Variants in ACO1 observed in about 807,000 individuals in gnomAD.
ACO1 encodes cytoplasmic aconitate hydratase.
In ACO1, 78 loss-of-function variants were observed where a neutral mutation model predicts 105.1. That is an observed-to-expected ratio of 0.74 (90% CI 0.62 to 0.90). The LOEUF (loss-of-function observed/expected upper bound fraction) is 0.90, where lower values mean the gene tolerates loss of function less well. Among genes scored for constraint, ACO1 ranks in the 40% least tolerant of loss-of-function variants. ACO1 has a pLI of 0.00. For missense variants in ACO1, 965 were observed against 1,111.1 expected (o/e 0.87, Z 1.87); for synonymous variants, 364 against 397.4 (o/e 0.92, Z 1.00).
chr9:32,444,041 A>G (rs932470524), intron 19 of ACO1, among the ~76,000 whole-genome samples: 1 of 134,718 alleles, frequency 7.4e-6, no homozygotes, highest in Non-Finnish European at 1.6e-5. Flanking sequence ...TCATTGTTCA[A>G]CTCCCACTTA....
At chr9:32,408,322 G>T (rs1265545883) in intron 3 of ACO1, among the ~76,000 whole-genome samples, 192 bp from the exon 4 acceptor site, 1 of 152,108 alleles carries the variant, frequency 6.6e-6, no homozygotes, top group African/African-American at 2.4e-5. Flanking sequence ...ACCCAGTCAT[G>T]GTACTTACTA....
At chr9:32,390,372 T>C (rs1821242800) in intron 1 of ACO1, among the ~76,000 whole-genome samples, 1 of 152,218 alleles carries the variant, frequency 6.6e-6, no homozygotes, top group Non-Finnish European at 1.5e-5. Context: ...CATCTTCCAC[T>C]TCGTAGTTCT....
At chr9:32,441,757 A>G (rs1426432276) in intron 19 of ACO1, among the ~76,000 whole-genome samples, 1 of 152,222 alleles carries the variant, frequency 6.6e-6, no homozygotes, top group Non-Finnish European at 1.5e-5. Flanking sequence ...GGGGTTCTCT[A>G]GAGTCCAGAC....
At chr9:32,443,530 G>A (rs1822528085) in intron 19 of ACO1, among the ~76,000 whole-genome samples, 1 of 152,114 alleles carries the variant, frequency 6.6e-6, no homozygotes, top group African/African-American at 2.4e-5. Context: ...ATAATAAAAA[G>A]TTTACTTAAA....
rs1822361702 is a variant in ACO1 at position 32,436,364 on chromosome 9, A to G, written c.2214A>G (p.Ala738=). The change falls in exon 18 of 21, where the codon GCA becomes GCG. Residue 738 remains alanine (A), a synonymous_variant. Coordinates refer to ENST00000309951, the MANE Select transcript of ACO1 (RefSeq NM_002197.3). ...TAAACAGATTTTTGAACAAGCAGGCACCACAGACTATCCATCTGCCTTCTG... is the reference window on the plus strand; with the variant it reads ...TAAACAGATTTTTGAACAAGCAGGCGCCACAGACTATCCATCTGCCTTCTG... The part of the protein sequence containing the change: ...RLLNRFLNKQ[A]PQTIHLPSGE... The G allele has an allele frequency of 1.9e-6, 3 of 1,614,156 alleles. No individual in the cohort carries two copies. The highest frequency in any genetic ancestry group is 2.5e-6 in the Non-Finnish European group (3 of 1,180,014).
chr9:32,442,058 C>A (rs543769825), intron 19 of ACO1, among the ~76,000 whole-genome samples: 2 of 152,018 alleles, frequency 1.3e-5, no homozygotes, highest in Non-Finnish European at 2.9e-5. Flanking sequence ...TGTAGCAGTG[C>A]GTCTCAAGTT....
chr9:32,447,589 C>T (rs60196286), intron 19 of ACO1, among the ~76,000 whole-genome samples: 3,429 of 152,242 alleles, frequency 0.023, 92 homozygotes, highest in African/African-American at 0.071. Context: ...TCTCATTCAC[C>T]GTCTAGTTTT....
At chr9:32,391,849 G>A (rs75367646) in intron 1 of ACO1, among the ~76,000 whole-genome samples, 2 of 152,314 alleles carry the variant, frequency 1.3e-5, no homozygotes, top group African/African-American at 2.4e-5. Flanking sequence ...AATCTGCGAT[G>A]TACAAGAGCT....
At chr9:32,448,498 G>C (rs1450313653) in intron 19 of ACO1, among the ~76,000 whole-genome samples, 2 of 152,246 alleles carry the variant, frequency 1.3e-5, no homozygotes, top group African/African-American at 4.8e-5. Context: ...GCACTGGAGG[G>C]AATCTCCTGG....
In ACO1 at chr9:32,451,017, CCT is replaced by C. The variant is rs1491252170; in HGVS notation, c.*907_*908del. On this transcript the variant is annotated 3_prime_UTR_variant, in exon 21 of 21. Transcript: ENST00000309951. ...TTAGGAACCATTATGCTCGCTCTTC[CCT>C]GTTTGGGAGCAGACAAGAAGGAAGA... The C allele has an allele frequency of 2.0e-5, 3 of 146,800 alleles. No homozygotes were observed. Among genetic ancestry groups the C allele is most frequent in the South Asian group, 2.1e-4 (1 of 4,826 alleles). 9.1% of individuals were successfully genotyped at this position (146,800 alleles called of 1,614,324 possible). A position where few individuals can be genotyped will look rare whatever the true frequency, so the allele number is the denominator to read the frequency against.
At chr9:32,409,598 C>A (rs1587525284) in intron 4 of ACO1, among the ~76,000 whole-genome samples, 1 of 152,148 alleles carries the variant, frequency 6.6e-6, no homozygotes, top group African/African-American at 2.4e-5. Flanking sequence ...TGCCTGTAAT[C>A]CCAGCACTTT....
intron 4 of ACO1, among the ~76,000 whole-genome samples, chr9:32,414,656 C>T (rs1821811120): frequency 6.6e-6 from 1 of 152,134 alleles, no homozygotes; most frequent in Non-Finnish European, 1.5e-5. Context: ...AGAAGCTCTG[C>T]CATCCTCCTG....
chr9:32,418,144 A>G lies in ACO1; in HGVS notation c.421A>G (p.Lys141Glu), dbSNP rs779706002. The G allele has an allele frequency of 6.2e-6, 10 of 1,614,196 alleles. No individual in the cohort carries two copies. The South Asian group carries it at 1.1e-4, about 18-fold the overall frequency. ...DFNRRADSLQ[K>E]NQDLEFERNR... ...CTCTGACAGGGCAGACAGTTTACAG[A>G]AGAATCAAGACCTGGAATTTGAAAG... The change falls in exon 5 of 21, where the codon AAG (lysine) becomes GAG (glutamate). Residue 141 changes from lysine (K) to glutamate (E), a missense_variant. Transcript: ENST00000309951.
At chr9:32,443,837 T>A (rs1400205492) in intron 19 of ACO1, among the ~76,000 whole-genome samples, 1 of 152,210 alleles carries the variant, frequency 6.6e-6, no homozygotes, top group Non-Finnish European at 1.5e-5. Flanking sequence ...TATTTCATTG[T>A]TGTGTTTTTA....
intron 1 of ACO1, among the ~76,000 whole-genome samples, chr9:32,393,163 C>T (rs1821301816): frequency 6.6e-6 from 1 of 152,156 alleles, no homozygotes; most frequent in South Asian, 2.1e-4. Context: ...TGCCGGTGAG[C>T]CGGGGGGGAA....
At chr9:32,389,466 G>A (rs147385881) in intron 1 of ACO1, among the ~76,000 whole-genome samples, 12 of 152,200 alleles carry the variant, frequency 7.9e-5, no homozygotes, top group South Asian at 2.1e-4. Context: ...TTACCTGGTG[G>A]CAGACTCCAG....
chr9:32,428,655 G>A (rs1184562716), intron 12 of ACO1, among the ~76,000 whole-genome samples: 1 of 152,070 alleles, frequency 6.6e-6, no homozygotes. Flanking sequence ...TGGCTAACAC[G>A]GTGAAACCCC....
In ACO1 at chr9:32,439,407, A is replaced by T. The variant is rs1468664588; in HGVS notation, c.2248-1058A>T. On this transcript the variant is annotated intron_variant, in intron 18 of 20. Coordinates refer to ENST00000309951, the MANE Select transcript of ACO1 (RefSeq NM_002197.3). The surrounding 1 kb of genome is among the most constrained non-coding windows in gnomAD (Gnocchi z 4.0). ...AGGTTCCATCAGTACACCAAAATACAAATTTGTGAAAGTCTGTTTGAGAGT... is the reference window on the plus strand; with the variant it reads ...AGGTTCCATCAGTACACCAAAATACTAATTTGTGAAAGTCTGTTTGAGAGT... Among the ~76,000 whole-genome samples, 4 of 152,334 alleles carry T rather than the reference A, an allele frequency of 2.6e-5. No homozygotes were observed. In the East Asian group the frequency reaches 5.8e-4, roughly 22 times the overall value.
intron 12 of ACO1, among the ~76,000 whole-genome samples, chr9:32,428,409 C>A (rs1351126107): frequency 2.6e-5 from 4 of 152,062 alleles, no homozygotes; most frequent in Non-Finnish European, 5.9e-5. Flanking sequence ...GCAATAACAT[C>A]CATGGAGCTG....
Sources: gnomAD v4.1 joint callset for allele counts (sites outside exome capture counted in the v4.1 genomes callset) on GRCh38, gnomAD v4.1.1 for gene constraint, Gnocchi (gnomAD v3.1) non-coding constraint, MANE v1.5 for transcripts, NCBI Gene and HGNC (gene_info 2026-07-23, HGNC 2026-07-21) for gene names.